Variants in FSTL5 observed in about 807,000 individuals in gnomAD.
FSTL5 encodes follistatin-related protein 5.
In FSTL5, 62 loss-of-function variants were observed where a neutral mutation model predicts 89.1. That is an observed-to-expected ratio of 0.70 (90% CI 0.57 to 0.86). FSTL5 has a LOEUF of 0.86. Ranked by LOEUF, FSTL5 falls within the 40% of genes least tolerant of loss-of-function variation. FSTL5 has a pLI of 0.00. For missense variants in FSTL5, 1,057 were observed against 1,001.6 expected (o/e 1.06, Z -0.75); for synonymous variants, 383 against 346.2 (o/e 1.11, Z -1.18).
At chr4:161,515,969 CTG>C (rs1270953828) in intron 10 of FSTL5, among the ~76,000 whole-genome samples, 1 of 151,746 alleles carries the variant, frequency 6.6e-6, no homozygotes, top group East Asian at 1.9e-4. Context: ...CACCAGCAAT[CTG>C]TGAAATTATT....
At chr4:162,149,670 A>C (rs1733150855) in intron 1 of FSTL5, among the ~76,000 whole-genome samples, 1 of 152,000 alleles carries the variant, frequency 6.6e-6, no homozygotes, top group Non-Finnish European at 1.5e-5. Context: ...ATAAAAAATA[A>C]AAAAAGTCCA....
At chr4:162,026,949 A>C (rs563671436) in intron 3 of FSTL5, among the ~76,000 whole-genome samples, 1 of 152,180 alleles carries the variant, frequency 6.6e-6, no homozygotes, top group Non-Finnish European at 1.5e-5. Context: ...ACCCAGACAA[A>C]TGATCCATTG....
chr4:161,826,981 C>T (rs1380259325), intron 4 of FSTL5, among the ~76,000 whole-genome samples: 3 of 151,782 alleles, frequency 2.0e-5, no homozygotes, highest in African/African-American at 7.3e-5. Flanking sequence ...TTTTATGGGC[C>T]CTGTGAGATT....
chr4:161,551,556 G>A (rs1474038073), intron 8 of FSTL5, among the ~76,000 whole-genome samples: 4 of 151,934 alleles, frequency 2.6e-5, no homozygotes, highest in African/African-American at 9.7e-5. Context: ...GAACAAAACT[G>A]GAGGCATCAT....
intron 10 of FSTL5, among the ~76,000 whole-genome samples, chr4:161,512,371 T>C (rs1249562347): frequency 6.6e-6 from 1 of 152,002 alleles, no homozygotes; most frequent in Non-Finnish European, 1.5e-5. Context: ...CAAAAAGTAA[T>C]CAAATGATGA....
In FSTL5 at chr4:161,872,142, T is replaced by TTG. The variant is rs1156665609; in HGVS notation, c.409+48261_409+48262insCA. 7.8e-5 allele frequency among the ~76,000 whole-genome samples: 8 copies of TTG among 102,592 alleles called. No individual in the cohort carries two copies. In the East Asian group the frequency reaches 9.6e-4, roughly 12 times the overall value. 67.3% of individuals were successfully genotyped at this position (102,592 alleles called of 152,430 possible). ...CTTTGTAGTTTGTTTTTTTTTTTGG[T>TTG]TTTTTTTTTTTTTTTTGTAGAGACA... is the stretch of plus-strand genomic sequence containing the variant. On this transcript the variant is annotated intron_variant, in intron 4 of 15. Transcript: ENST00000306100.
At chr4:162,140,829 T>C (rs1001828025) in intron 1 of FSTL5, among the ~76,000 whole-genome samples, 1 of 152,094 alleles carries the variant, frequency 6.6e-6, no homozygotes, top group Non-Finnish European at 1.5e-5. Flanking sequence ...GAGAATCTGA[T>C]ATGAGGAGTA....
At chr4:161,723,830 G>T (rs1739299741) in intron 6 of FSTL5, among the ~76,000 whole-genome samples, 1 of 151,906 alleles carries the variant, frequency 6.6e-6, no homozygotes, top group Non-Finnish European at 1.5e-5. Flanking sequence ...TTTGAGAAAA[G>T]GTATTTAATA....
At chr4:162,132,622 T>A (rs955758037) in intron 1 of FSTL5, among the ~76,000 whole-genome samples, 1 of 152,178 alleles carries the variant, frequency 6.6e-6, no homozygotes, top group Non-Finnish European at 1.5e-5. Flanking sequence ...TCCTCAGAGT[T>A]TGGCAATAGG....
intron 12 of FSTL5, among the ~76,000 whole-genome samples, chr4:161,496,013 C>A (rs182561944): frequency 1.3e-5 from 2 of 152,242 alleles, no homozygotes; most frequent in Admixed American, 6.6e-5. Flanking sequence ...ATAAATTACT[C>A]TATGAAACAT....
intron 6 of FSTL5, among the ~76,000 whole-genome samples, chr4:161,738,757 C>T (rs1739905450): frequency 6.6e-6 from 1 of 152,180 alleles, no homozygotes; most frequent in South Asian, 2.1e-4. Context: ...TTTGGCTTAA[C>T]AAAATATTAA....
intron 4 of FSTL5, among the ~76,000 whole-genome samples, chr4:161,810,907 C>G (rs982855386): frequency 6.6e-6 from 1 of 152,072 alleles, no homozygotes; most frequent in African/African-American, 2.4e-5. Flanking sequence ...TGAGTAACAC[C>G]ACCAATAAGA....
intron 6 of FSTL5, among the ~76,000 whole-genome samples, chr4:161,694,917 A>G (rs889397150): frequency 4.6e-4 from 63 of 136,490 alleles, no homozygotes; most frequent in African/African-American, 1.6e-3. Flanking sequence ...TTATTCAATT[A>G]TCACTCCAGT....
chr4:161,455,668 AT>A (rs1200130073), intron 14 of FSTL5, among the ~76,000 whole-genome samples: 2 of 152,158 alleles, frequency 1.3e-5, no homozygotes, highest in Non-Finnish European at 1.5e-5. Context: ...TTAATAATGA[AT>A]TGTTTTTTAA....
At chr4:161,776,691 T>G (rs2126804795) in intron 4 of FSTL5, among the ~76,000 whole-genome samples, 1 of 151,752 alleles carries the variant, frequency 6.6e-6, no homozygotes, top group African/African-American at 2.4e-5. Context: ...TAAAAAAATT[T>G]TTAGTTGTTA....
intron 6 of FSTL5, among the ~76,000 whole-genome samples, chr4:161,668,907 T>A (rs1006847889): frequency 6.6e-6 from 1 of 150,908 alleles, no homozygotes; most frequent in Non-Finnish European, 1.5e-5. Context: ...AGGTCAGGAG[T>A]TCAAGACCAG....
chr4:161,837,410 T>G (rs1274773438), intron 4 of FSTL5, among the ~76,000 whole-genome samples: 1 of 152,052 alleles, frequency 6.6e-6, no homozygotes. Flanking sequence ...TTAAATGAAA[T>G]AAGTTCTGAA....
intron 6 of FSTL5, among the ~76,000 whole-genome samples, chr4:161,673,797 T>G (rs1278669767): frequency 6.6e-6 from 1 of 151,878 alleles, no homozygotes; most frequent in Non-Finnish European, 1.5e-5. Flanking sequence ...TTTAAGGATA[T>G]ATTTTTATAT....
chr4:161,613,219 G>T (rs1015651472), intron 7 of FSTL5, among the ~76,000 whole-genome samples: 1 of 152,140 alleles, frequency 6.6e-6, no homozygotes. Flanking sequence ...TTGGGAGGAT[G>T]AGGCGGGGGA....
Sources: gnomAD v4.1 joint callset for allele counts (sites outside exome capture counted in the v4.1 genomes callset) on GRCh38, gnomAD v4.1.1 for gene constraint, MANE v1.5 for transcripts, NCBI Gene and HGNC (gene_info 2026-07-23, HGNC 2026-07-21) for gene names.